Variants in GPC5 observed in about 807,000 individuals in gnomAD.
GPC5 encodes glypican 5.
Under a neutral mutation model 53.9 loss-of-function variants are expected in GPC5, and 47 were observed. The ratio of observed to expected loss-of-function variants is 0.87; its 90% confidence interval spans 0.69 to 1.11. The LOEUF is 1.11. GPC5 is among the 50% of genes most tolerant of loss of function. The pLI is 0.00. For missense variants in GPC5, 748 were observed against 713.1 expected (o/e 1.05, Z -0.56); for synonymous variants, 286 against 263.3 (o/e 1.09, Z -0.84).
intron 7 of GPC5, among the ~76,000 whole-genome samples, chr13:92,257,004 G>A (rs562147305): frequency 2.6e-5 from 4 of 151,862 alleles, no homozygotes; most frequent in South Asian, 2.1e-4. Flanking sequence ...GCCACTCTTC[G>A]ATTCTATGAA....
chr13:92,076,617 T>A (rs1376665451), intron 6 of GPC5, among the ~76,000 whole-genome samples: 2 of 151,740 alleles, frequency 1.3e-5, no homozygotes, highest in Non-Finnish European at 2.9e-5. Flanking sequence ...TGGGGAGTCA[T>A]CCCCTACAAA....
At chr13:92,076,212 G>A (rs2041250906) in intron 6 of GPC5, among the ~76,000 whole-genome samples, 1 of 151,898 alleles carries the variant, frequency 6.6e-6, no homozygotes, top group African/African-American at 2.4e-5. Context: ...GGGACTACAG[G>A]CGCCCACCAC....
At chr13:91,961,627 A>G (rs1270199857) in intron 6 of GPC5, among the ~76,000 whole-genome samples, 5 of 152,086 alleles carry the variant, frequency 3.3e-5, no homozygotes, top group African/African-American at 1.2e-4. Context: ...CACAGCAGAA[A>G]ACAAACTCAT....
chr13:92,097,120 A>C (rs2041428086), intron 6 of GPC5, among the ~76,000 whole-genome samples: 2 of 152,224 alleles, frequency 1.3e-5, no homozygotes, highest in Admixed American at 6.5e-5. Context: ...AGGAAATAAG[A>C]AACATTTTAT....
chr13:92,020,504 C>A (rs2040748217), intron 6 of GPC5, among the ~76,000 whole-genome samples: 1 of 151,916 alleles, frequency 6.6e-6, no homozygotes, highest in Non-Finnish European at 1.5e-5. Flanking sequence ...TTCATCATAG[C>A]CATCTAACAG....
At chr13:91,675,464 C>A (rs1194111130) in intron 2 of GPC5, among the ~76,000 whole-genome samples, 1 of 152,160 alleles carries the variant, frequency 6.6e-6, no homozygotes, top group Non-Finnish European at 1.5e-5. Context: ...TCTTGTATTG[C>A]ATGCCTGGTG....
rs72633795 is a variant in GPC5, at chr13:92,023,599, G to A, written c.1401+115542G>A. ...CAGCTAAGATTGAGATTCCATACTT[G>A]GTGTGTCTGTGATATTTTAATTGAA... On this transcript the variant is annotated intron_variant, in intron 6 of 7. Coordinates refer to ENST00000377067, the MANE Select transcript of GPC5 (RefSeq NM_004466.6). 4.3e-3 allele frequency among the ~76,000 whole-genome samples: 637 copies of A among 148,018 alleles called. 4 individuals carry two copies. The highest frequency in any genetic ancestry group is 0.014 in the Admixed American group (202 of 14,650).
At chr13:92,333,113 T>TA (rs1206419484) in intron 7 of GPC5, among the ~76,000 whole-genome samples, 3 of 152,100 alleles carry the variant, frequency 2.0e-5, no homozygotes, top group African/African-American at 7.2e-5. Flanking sequence ...ATATAGTTGA[T>TA]AAATTGGTGG....
chr13:91,827,745 T>G (rs1315693517), intron 5 of GPC5, among the ~76,000 whole-genome samples: 1 of 152,130 alleles, frequency 6.6e-6, no homozygotes, highest in Non-Finnish European at 1.5e-5. Flanking sequence ...TGATTGAAGT[T>G]TAGAATGATA....
chr13:92,552,816 G>A (rs1035747442), intron 7 of GPC5, among the ~76,000 whole-genome samples: 2 of 151,846 alleles, frequency 1.3e-5, no homozygotes, highest in African/African-American at 2.4e-5. Context: ...TCATTGATAT[G>A]TCCTTAGTTT....
At chr13:92,425,833 A>C (rs1351527471) in intron 7 of GPC5, among the ~76,000 whole-genome samples, 1 of 151,986 alleles carries the variant, frequency 6.6e-6, no homozygotes, top group African/African-American at 2.4e-5. Context: ...TGTAGTTTAT[A>C]TGTTATCTTC....
chr13:91,911,090 G>A (rs1488479335), intron 6 of GPC5, among the ~76,000 whole-genome samples: 1 of 152,108 alleles, frequency 6.6e-6, no homozygotes, highest in East Asian at 1.9e-4. Context: ...TCTTGTGGCA[G>A]GAATAAGTTT....
At chr13:92,787,309 A>G (rs1433374061) in intron 7 of GPC5, among the ~76,000 whole-genome samples, 1 of 152,174 alleles carries the variant, frequency 6.6e-6, no homozygotes, top group East Asian at 1.9e-4. Flanking sequence ...TAATAAATTA[A>G]TAACACCTAT....
intron 5 of GPC5, among the ~76,000 whole-genome samples, chr13:91,891,317 G>C (rs894668084): frequency 6.6e-6 from 1 of 152,106 alleles, no homozygotes; most frequent in Admixed American, 6.5e-5. Context: ...CTGTCTTAAT[G>C]TTCCTAGGCT....
At chr13:92,371,660 GC>G (rs2043650766) in intron 7 of GPC5, among the ~76,000 whole-genome samples, 1 of 152,160 alleles carries the variant, frequency 6.6e-6, no homozygotes. Flanking sequence ...AAGGAGAAGT[GC>G]TAAGCGAAGG....
At chr13:92,604,159 A>T (rs1884174647) in intron 7 of GPC5, among the ~76,000 whole-genome samples, 1 of 152,214 alleles carries the variant, frequency 6.6e-6, no homozygotes, top group Non-Finnish European at 1.5e-5. Context: ...TTTCAATGTA[A>T]ATCAGTAACA....
intron 2 of GPC5, among the ~76,000 whole-genome samples, chr13:91,478,857 TATAC>T (rs1172425453): frequency 8.5e-6 from 1 of 117,778 alleles, no homozygotes; most frequent in African/African-American, 3.2e-5. Context: ...ATTATATATA[TATAC>T]ACACACATAT....
At chr13:92,842,396 TG>T (rs1878457020) in intron 7 of GPC5, among the ~76,000 whole-genome samples, 1 of 152,082 alleles carries the variant, frequency 6.6e-6, no homozygotes, top group Admixed American at 6.6e-5. Context: ...ACATATTAGT[TG>T]GGTTTGTGTC....
chr13:92,095,531 CTGTTTT>C (rs1192261121), intron 6 of GPC5, among the ~76,000 whole-genome samples: 1 of 151,190 alleles, frequency 6.6e-6, no homozygotes, highest in Non-Finnish European at 1.5e-5. Context: ...TATTTTGTTT[CTGTTTT>C]TGTTTTTGTT....
Sources: allele counts gnomAD v4.1 joint callset (sites outside exome capture counted in the v4.1 genomes callset), GRCh38; gene constraint gnomAD v4.1.1; transcripts MANE v1.5; gene names NCBI Gene and HGNC (gene_info 2026-07-23, HGNC 2026-07-21).